Variants in VPS37A observed in about 807,000 individuals in gnomAD.
VPS37A encodes the protein VPS37A subunit of ESCRT-I.
In VPS37A, 30 loss-of-function variants were observed where a neutral mutation model predicts 49.8. The observed-to-expected ratio is 0.60, with a 90% CI of 0.45 to 0.82. VPS37A has a LOEUF of 0.82. Ranked by LOEUF, VPS37A falls within the 40% of genes least tolerant of loss-of-function variation. The pLI is 0.00. For synonymous variants in VPS37A, 195 were observed against 160.6 expected (o/e 1.21, Z -1.62); for missense variants, 593 against 464.4 (o/e 1.28, Z -2.55).
chr8:17,284,534 A>G lies in VPS37A; in HGVS notation c.1031A>G (p.Glu344Gly), dbSNP rs903636941. ...GTAGCTGCACATGAAGCTGAGGAAG[A>G]ATCTGATAATATTGCAGAAGACTTC... ...LKVAAHEAEEESDNIAEDFLE... is the reference protein window; with the variant it reads ...LKVAAHEAEEGSDNIAEDFLE... The change falls in exon 10 of 12, where the codon GAA becomes GGA. Residue 344 changes from glutamate (E) to glycine (G), a missense_variant. By Grantham distance (98) the Glu-to-Gly change is moderately conservative (BLOSUM62 -2). Transcript: ENST00000324849. 1.9e-6 allele frequency: 3 copies of G among 1,600,530 alleles called. No individual in the cohort carries two copies. The highest frequency in any genetic ancestry group is 2.6e-6 in the Non-Finnish European group (3 of 1,175,574).
intron 11 of VPS37A, among the ~76,000 whole-genome samples, chr8:17,287,269 A>G (rs1307338663): frequency 6.6e-6 from 1 of 152,232 alleles, no homozygotes; most frequent in Non-Finnish European, 1.5e-5. Flanking sequence ...GAAGGAAAGT[A>G]CAGTCACCTG....
intron 1 of VPS37A, among the ~76,000 whole-genome samples, chr8:17,255,996 C>A (rs1003351123): frequency 6.6e-6 from 1 of 152,050 alleles, no homozygotes; most frequent in African/African-American, 2.4e-5. Flanking sequence ...CTGCAATAAA[C>A]GTGGGAGTGC....
At chr8:17,332,270 A>G in the VPS37A span, among the ~76,000 whole-genome samples, 1 of 152,336 alleles carries the variant, frequency 6.6e-6, no homozygotes, top group Admixed American at 6.5e-5. Context: ...GTACTTTTTA[A>G]AAGCTAAAAG....
At chr8:17,320,917 A>C in the VPS37A span, among the ~76,000 whole-genome samples, 3 of 152,162 alleles carry the variant, frequency 2.0e-5, no homozygotes, top group Admixed American at 2.0e-4. Flanking sequence ...CTTAATCCTA[A>C]AATACACACA....
intron 1 of VPS37A, among the ~76,000 whole-genome samples, chr8:17,263,589 C>T (rs897306121): frequency 3.3e-5 from 5 of 151,914 alleles, no homozygotes; most frequent in African/African-American, 7.3e-5. Flanking sequence ...CATTTCTAAC[C>T]AATTATTTAG....
Position 17,280,920 on chromosome 8 carries a change from G to GA in VPS37A, c.969+485dup, listed in dbSNP as rs1225405923. Reference sequence around the variant, plus strand: ...TTTATAAAATTCAACCTATATTTCTGAAAAAAAAGGAATCTTTGAAAAGGA... The same window carrying GA: ...TTTATAAAATTCAACCTATATTTCTGAAAAAAAAAGGAATCTTTGAAAAGGA... On this transcript the variant is annotated intron_variant, in intron 9 of 11. Transcript: ENST00000324849. Among the ~76,000 whole-genome samples, 14 of 151,144 alleles carry GA rather than the reference G, an allele frequency of 9.3e-5. 1 individual carries two copies. Among genetic ancestry groups the GA allele is most frequent in the South Asian group, 8.4e-4 (4 of 4,772 alleles).
At chr8:17,250,533 A>G (rs1811878725) in intron 1 of VPS37A, among the ~76,000 whole-genome samples, 1 of 152,116 alleles carries the variant, frequency 6.6e-6, no homozygotes, top group Non-Finnish European at 1.5e-5. Flanking sequence ...TCTTCTCCAA[A>G]TGTAAGCTCA....
At chr8:17,248,323 G>T (rs1469764969) in intron 1 of VPS37A, 1 of 451,270 alleles carries the variant, frequency 2.2e-6, no homozygotes, top group East Asian at 7.0e-5. Flanking sequence ...GGAGCGCAGT[G>T]GCGCGATCTC....
chr8:17,249,738 A>C (rs1811797279), intron 1 of VPS37A, among the ~76,000 whole-genome samples: 1 of 152,250 alleles, frequency 6.6e-6, no homozygotes, highest in Non-Finnish European at 1.5e-5. Context: ...ATCAGTCATA[A>C]GGGGCACAGC....
the VPS37A span, among the ~76,000 whole-genome samples, chr8:17,322,439 T>C: frequency 1.3e-5 from 2 of 152,190 alleles, no homozygotes; most frequent in Non-Finnish European, 2.9e-5. Context: ...TCACAGTGTA[T>C]CATGGTAACC....
intron 1 of VPS37A, among the ~76,000 whole-genome samples, chr8:17,258,040 GT>G (rs1406710814): frequency 1.3e-5 from 2 of 152,036 alleles, no homozygotes; most frequent in East Asian, 3.9e-4. Flanking sequence ...TTGTTTGTCT[GT>G]TTTTTTGGTG....
At chr8:17,249,682 G>T (rs1811791086) in intron 1 of VPS37A, among the ~76,000 whole-genome samples, 2 of 152,130 alleles carry the variant, frequency 1.3e-5, no homozygotes, top group Admixed American at 1.3e-4. Flanking sequence ...TAATCTGTCT[G>T]TATGGTATCT....
At chr8:17,306,230 A>G (rs1028997192), downstream of VPS37A, among the ~76,000 whole-genome samples, 2 of 152,226 alleles carry the variant, frequency 1.3e-5, no homozygotes, top group African/African-American at 4.8e-5. Context: ...CACTTTCCAC[A>G]GAAAAAGGGC....
At chr8:17,271,538 A>T (rs1813992000) in intron 4 of VPS37A, among the ~76,000 whole-genome samples, 3 of 152,084 alleles carry the variant, frequency 2.0e-5, no homozygotes, top group Admixed American at 2.0e-4. Flanking sequence ...CCCGGGAGGA[A>T]GAGCTTGCAG....
chr8:17,314,407 C>T, the VPS37A span, among the ~76,000 whole-genome samples: 1 of 152,098 alleles, frequency 6.6e-6, no homozygotes. Context: ...GTCTCTGAGC[C>T]TCAATTTCTT....
At chr8:17,331,150 C>G in the VPS37A span, 2 of 1,609,704 alleles carry the variant, frequency 1.2e-6, no homozygotes, top group East Asian at 2.2e-5. Context: ...AATGGTTTAC[C>G]TTCCAGCATT....
chr8:17,289,676 T>G (rs1815957353), intron 11 of VPS37A, among the ~76,000 whole-genome samples: 2 of 152,208 alleles, frequency 1.3e-5, no homozygotes, highest in East Asian at 3.9e-4. Flanking sequence ...AGGATTGTCT[T>G]GGATATATGG....
At chr8:17,255,650 C>A (rs2150352847) in intron 1 of VPS37A, among the ~76,000 whole-genome samples, 1 of 152,228 alleles carries the variant, frequency 6.6e-6, no homozygotes, top group African/African-American at 2.4e-5. Flanking sequence ...AACACTAGGT[C>A]TTATTTCTTT....
intron 1 of VPS37A, among the ~76,000 whole-genome samples, chr8:17,252,376 A>T (rs1055130790): frequency 6.6e-6 from 1 of 152,012 alleles, no homozygotes; most frequent in African/African-American, 2.4e-5. Context: ...GGGTTTTGCT[A>T]TGTTGCCCAG....
Sources: gnomAD v4.1 joint callset for allele counts (sites outside exome capture counted in the v4.1 genomes callset) on GRCh38, gnomAD v4.1.1 for gene constraint, MANE v1.5 for transcripts, NCBI Gene and HGNC (gene_info 2026-07-23, HGNC 2026-07-21) for gene names.